DOK6: variants seen among roughly 807,000 people sequenced by gnomAD.
DOK6 encodes docking protein 6.
In DOK6, 22 loss-of-function variants were observed where a neutral mutation model predicts 44.0. That is an observed-to-expected ratio of 0.50 (90% confidence interval 0.36 to 0.71). The LOEUF (loss-of-function observed/expected upper bound fraction) is 0.71, where lower values mean the gene tolerates loss of function less well. Ranked by LOEUF, DOK6 falls within the 30% of genes least tolerant of loss-of-function variation. The probability of loss-of-function intolerance (pLI) is 0.00; values close to 1 mark genes in which losing one functional copy is unlikely to be tolerated. For synonymous variants in DOK6, 166 were observed against 145.5 expected, an observed-to-expected ratio of 1.14 and a Z score of -1.01; for missense variants, 340 against 416.4, an observed-to-expected ratio of 0.82 and a Z score of 1.60.
At chr18:69,787,245 G>A (rs966881187) in intron 7 of DOK6, among the ~76,000 whole-genome samples, 1 of 151,978 alleles carries the variant, frequency 6.6e-6, no homozygotes, top group African/African-American at 2.4e-5. Context: ...AACAAAACTT[G>A]ATGAATTTTC....
intron 1 of DOK6, among the ~76,000 whole-genome samples, chr18:69,420,441 A>T (rs1978458092): frequency 6.6e-6 from 1 of 152,012 alleles, no homozygotes; most frequent in Non-Finnish European, 1.5e-5. Context: ...ACACAGCTAT[A>T]CTGTTCTGTG....
At chr18:69,443,043 T>C (rs1292975309) in intron 1 of DOK6, among the ~76,000 whole-genome samples, 2 of 152,224 alleles carry the variant, frequency 1.3e-5, no homozygotes, top group African/African-American at 4.8e-5. Flanking sequence ...CACTCATTTT[T>C]TTTCATTTGG....
chr18:69,691,324 T>C (rs1467053071), intron 4 of DOK6, among the ~76,000 whole-genome samples: 4 of 152,090 alleles, frequency 2.6e-5, no homozygotes, highest in Non-Finnish European at 4.4e-5. Flanking sequence ...AAGAGAGACA[T>C]AAAGATAATT....
chr18:69,463,719 G>T (rs992610684), intron 1 of DOK6, among the ~76,000 whole-genome samples: 1 of 151,736 alleles, frequency 6.6e-6, no homozygotes, highest in Admixed American at 6.6e-5. Flanking sequence ...GTGTGTATGT[G>T]TATGTATATG....
At chr18:69,618,847 A>G (rs1350753408) in intron 3 of DOK6, among the ~76,000 whole-genome samples, 1 of 152,186 alleles carries the variant, frequency 6.6e-6, no homozygotes, top group Non-Finnish European at 1.5e-5. Context: ...TTTGTTTTGA[A>G]CACAAGTGGT....
chr18:69,835,280 G>A (rs537157046), intron 7 of DOK6, among the ~76,000 whole-genome samples: 90 of 152,212 alleles, frequency 5.9e-4, no homozygotes, highest in African/African-American at 1.9e-3. Context: ...GGCTAACACG[G>A]TGAAACCCCG....
At chr18:69,683,046 T>C (rs1467760060) in intron 4 of DOK6, among the ~76,000 whole-genome samples, 1 of 152,122 alleles carries the variant, frequency 6.6e-6, no homozygotes, top group Non-Finnish European at 1.5e-5. Context: ...AATATCTTAC[T>C]AAGGATCTGG....
chr18:69,631,290 A>G (rs1255392853), intron 3 of DOK6, among the ~76,000 whole-genome samples: 1 of 152,174 alleles, frequency 6.6e-6, no homozygotes, highest in Non-Finnish European at 1.5e-5. Flanking sequence ...TGTAATTGAT[A>G]ATATATAAGC....
At chr18:69,401,977 C>A (rs185426224) in intron 1 of DOK6, among the ~76,000 whole-genome samples, 4 of 152,296 alleles carry the variant, frequency 2.6e-5, no homozygotes, top group Admixed American at 6.5e-5. Flanking sequence ...AGATGCGCTG[C>A]CTGGCTTGGG....
At chr18:69,445,206 T>C (rs1979250803) in intron 1 of DOK6, among the ~76,000 whole-genome samples, 1 of 152,186 alleles carries the variant, frequency 6.6e-6, no homozygotes, top group African/African-American at 2.4e-5. Context: ...CTTTTTAGTT[T>C]AATAGATTTG....
intron 6 of DOK6, among the ~76,000 whole-genome samples, chr18:69,747,798 CCA>C (rs1979037244): frequency 6.6e-6 from 1 of 152,150 alleles, no homozygotes; most frequent in Non-Finnish European, 1.5e-5. Context: ...CATGACTTGT[CCA>C]CATAGTTACT....
chr18:69,798,637 C>A (rs1034053390), intron 7 of DOK6, among the ~76,000 whole-genome samples: 1 of 151,738 alleles, frequency 6.6e-6, no homozygotes, highest in African/African-American at 2.4e-5. Flanking sequence ...GTTAATCTTA[C>A]CAGATTTGGG....
intron 7 of DOK6, among the ~76,000 whole-genome samples, chr18:69,811,181 G>T (rs1981212695): frequency 6.6e-6 from 1 of 151,898 alleles, no homozygotes; most frequent in Non-Finnish European, 1.5e-5. Flanking sequence ...ACAATATTAT[G>T]TTAAGTGAAA....
chr18:69,465,874 T>C (rs12606920), intron 1 of DOK6, among the ~76,000 whole-genome samples: 23,129 of 152,194 alleles, frequency 0.15, 1,903 homozygotes, highest in Middle Eastern at 0.31. Context: ...TATTCTATTG[T>C]CTTACATTTT....
At chr18:69,716,147 C>CAT (rs1167388667) in intron 5 of DOK6, among the ~76,000 whole-genome samples, 1 of 152,142 alleles carries the variant, frequency 6.6e-6, no homozygotes, top group Non-Finnish European at 1.5e-5. Flanking sequence ...GATACTGATA[C>CAT]ATATCTCCTA....
At chr18:69,532,217 C>T (rs1982005179) in intron 1 of DOK6, among the ~76,000 whole-genome samples, 1 of 152,118 alleles carries the variant, frequency 6.6e-6, no homozygotes, top group African/African-American at 2.4e-5. Flanking sequence ...TAAGATATGC[C>T]CTCTTGCCTA....
At chr18:69,666,189 G>A (rs1410490221) in intron 3 of DOK6, among the ~76,000 whole-genome samples, 2 of 152,076 alleles carry the variant, frequency 1.3e-5, no homozygotes. Context: ...ACAGCCTATG[G>A]CAACTAACAT....
chr18:69,529,897 A>G (rs1453362318), intron 1 of DOK6, among the ~76,000 whole-genome samples: 2 of 152,156 alleles, frequency 1.3e-5, no homozygotes, highest in East Asian at 3.8e-4. Context: ...CACTTTACAT[A>G]TATTATCTCA....
At chr18:69,699,952 A>G (rs1263302396) in intron 5 of DOK6, among the ~76,000 whole-genome samples, 1 of 152,104 alleles carries the variant, frequency 6.6e-6, no homozygotes, top group Non-Finnish European at 1.5e-5. Context: ...CAGTCATGGC[A>G]GAAGGAGAAA....
Sources: gnomAD v4.1 joint callset for allele counts (sites outside exome capture counted in the v4.1 genomes callset) on GRCh38, gnomAD v4.1.1 for gene constraint, MANE v1.5 for transcripts, NCBI Gene and HGNC (gene_info 2026-07-23, HGNC 2026-07-21) for gene names.